The following RCL1 variants were observed in gnomAD, a reference collection of about 807,000 sequenced individuals.
RCL1 encodes RNA terminal phosphate cyclase like 1.
A neutral mutation model predicts 42.4 loss-of-function variants in RCL1; 24 were observed. The ratio of observed to expected loss-of-function variants is 0.57; its 90% CI spans 0.41 to 0.80. RCL1 has a LOEUF of 0.80. Among genes scored for constraint, RCL1 ranks in the 30% least tolerant of loss-of-function variants. The pLI, the probability that RCL1 is intolerant of heterozygous loss-of-function variation, is 0.00. For missense variants in RCL1, 578 were observed against 467.9 expected (o/e 1.24, Z -2.17); for synonymous variants, 228 against 177.3 (o/e 1.29, Z -2.27).
chr9:4,829,661 C>A (rs1816885073), intron 3 of RCL1, among the ~76,000 whole-genome samples: 1 of 152,084 alleles, frequency 6.6e-6, no homozygotes, highest in Non-Finnish European at 1.5e-5. Context: ...TGGCTGAATT[C>A]ATCTTTCACG....
intron 3 of RCL1, among the ~76,000 whole-genome samples, chr9:4,832,015 A>C (rs1370195710): frequency 2.0e-5 from 3 of 152,164 alleles, no homozygotes; most frequent in African/African-American, 4.8e-5. Context: ...CCTCCCTGCC[A>C]GCTGACAGAT....
chr9:4,829,694 G>T (rs1318918921), intron 3 of RCL1, among the ~76,000 whole-genome samples: 1 of 152,210 alleles, frequency 6.6e-6, no homozygotes. Context: ...GACATGTACA[G>T]TGTGGCAGTG....
chr9:4,793,297 G>A lies in RCL1; in HGVS notation c.136+70G>A, dbSNP rs1014913170. 195 of 1,499,098 alleles carry A rather than the reference G, an allele frequency of 1.3e-4. 1 individual carries two copies. The highest frequency in any genetic ancestry group is 1.7e-4 in the Non-Finnish European group (185 of 1,117,526). 92.9% of individuals were successfully genotyped at this position (1,499,098 alleles called of 1,614,324 possible). ...GGGAGACCGAGCTGATGCCGTGGGGGCCCGCGCGGTGTTGGTTGGGCGGCT... is the reference window on the plus strand; with the variant it reads ...GGGAGACCGAGCTGATGCCGTGGGGACCCGCGCGGTGTTGGTTGGGCGGCT... On this transcript the variant is annotated intron_variant, in intron 1 of 8. Transcript: ENST00000381750.
chr9:4,859,890 T>C (rs529395687), intron 8 of RCL1, among the ~76,000 whole-genome samples: 164 of 151,594 alleles, frequency 1.1e-3, no homozygotes, highest in African/African-American at 3.8e-3. Flanking sequence ...TTCTAACCTT[T>C]CCCCCCCCAG....
chr9:4,837,107 G>A (rs1195019367), intron 5 of RCL1, among the ~76,000 whole-genome samples: 2 of 152,162 alleles, frequency 1.3e-5, no homozygotes, highest in East Asian at 1.9e-4. Flanking sequence ...CGAGGAGCTG[G>A]AATAAGGTTA....
At position 4,860,715 on chromosome 9, in the gene RCL1, G is replaced by A. The variant is rs1375274396; in HGVS notation, c.*440G>A. 6.3e-6 allele frequency: 1 copy of A among 158,332 alleles called. No individual in the cohort carries two copies. Among genetic ancestry groups the A allele is most frequent in the African/African-American group, 2.4e-5 (1 of 41,508 alleles). The allele number at this position is 158,332 out of a possible 1,614,324, so 9.8% of individuals were successfully genotyped here. The stretch of plus-strand genomic sequence containing the variant: ...CTTGAGCCTTGGTTTTTGTTGTAGG[G>A]ATTAAATGAGATAATATGAGTGGCA... On this transcript the variant is annotated 3_prime_UTR_variant, in exon 9 of 9. Transcript: ENST00000381750.
intron 1 of RCL1, among the ~76,000 whole-genome samples, chr9:4,806,064 T>TGTGTGTGTGTG (rs1219639380): frequency 3.8e-4 from 53 of 139,272 alleles, no homozygotes; most frequent in East Asian, 1.6e-3. Context: ...GTGTGTGTGT[T>TGTGTGTGTGTG]TGTGTGTGTA....
chr9:4,833,929 GGTAATC>G (rs1817034000), intron 4 of RCL1, among the ~76,000 whole-genome samples: 1 of 152,202 alleles, frequency 6.6e-6, no homozygotes, highest in Non-Finnish European at 1.5e-5. Context: ...GAGCCACTTG[GGTAATC>G]GACTTGGACT....
In RCL1 at chr9:4,851,975, G is replaced by A. The variant is rs572260094; in HGVS notation, c.971+2425G>A. 2.0e-5 allele frequency among the ~76,000 whole-genome samples: 3 copies of A among 149,650 alleles called. No homozygotes were observed. The East Asian group carries it at 6.0e-4, about 30-fold the overall frequency. On this transcript the variant is annotated intron_variant, in intron 8 of 8. Transcript: ENST00000381750. The stretch of plus-strand genomic sequence containing the variant: ...CGCCCACTGCAAGCTCCGCCTCCCG[G>A]GTTCAACGCCATTCTCCTACCTCAG...
intron 1 of RCL1, among the ~76,000 whole-genome samples, chr9:4,807,825 G>A (rs1413257619): frequency 6.6e-6 from 1 of 152,070 alleles, no homozygotes; most frequent in Non-Finnish European, 1.5e-5. Context: ...GGCAGCTATG[G>A]GTCATTTATA....
In RCL1 at chr9:4,860,742, C is replaced by G. The variant is rs1587742460; in HGVS notation, c.*467C>G. ...TTAAATGAGATAATATGAGTGGCAGCTCTTCATGAGTCCTGCAGTGCTAAG... is the reference window on the plus strand; with the variant it reads ...TTAAATGAGATAATATGAGTGGCAGGTCTTCATGAGTCCTGCAGTGCTAAG... On this transcript the variant is annotated 3_prime_UTR_variant, in exon 9 of 9. Coordinates refer to ENST00000381750, the MANE Select transcript of RCL1 (RefSeq NM_005772.5). 1 of 155,610 alleles carries G rather than the reference C, an allele frequency of 6.4e-6. No homozygotes were observed. The highest frequency in any genetic ancestry group is 6.5e-5 in the Admixed American group (1 of 15,322). 9.6% of individuals were successfully genotyped at this position (155,610 alleles called of 1,614,324 possible). A position where few individuals can be genotyped will look rare whatever the true frequency, so the allele number is the denominator to read the frequency against.
intron 8 of RCL1, chr9:4,850,501 T>TC (rs1554642558): frequency 1.3e-5 from 3 of 232,080 alleles, no homozygotes; most frequent in Non-Finnish European, 1.9e-5. Context: ...TTCTTTTTTT[T>TC]TTTTTTTTTG....
intron 1 of RCL1, among the ~76,000 whole-genome samples, chr9:4,802,616 C>T (rs1843022981): frequency 6.6e-6 from 1 of 151,142 alleles, no homozygotes; most frequent in South Asian, 2.1e-4. Flanking sequence ...TCAATGTTTA[C>T]AAAATGTTCA....
intron 7 of RCL1, 101 bp from the exon 8 acceptor site, chr9:4,849,346 A>G (rs1030210734): frequency 5.0e-6 from 4 of 803,778 alleles, no homozygotes; most frequent in Non-Finnish European, 6.2e-6. Context: ...TGAACTTTGG[A>G]TTTTGATATT....
intron 8 of RCL1, among the ~76,000 whole-genome samples, chr9:4,857,399 A>G (rs1587739246): frequency 6.6e-6 from 1 of 152,146 alleles, no homozygotes; most frequent in East Asian, 1.9e-4. Context: ...CACTTAGCAT[A>G]ATGTTTTCAG....
chr9:4,824,223 T>A (rs1816684969), intron 2 of RCL1, among the ~76,000 whole-genome samples: 1 of 152,198 alleles, frequency 6.6e-6, no homozygotes, highest in African/African-American at 2.4e-5. Context: ...TTTACACAAG[T>A]ATATGCAAAA....
chr9:4,822,195 G>T (rs1406769864), intron 1 of RCL1, among the ~76,000 whole-genome samples: 3 of 152,184 alleles, frequency 2.0e-5, no homozygotes, highest in East Asian at 3.8e-4. Context: ...AGGTAGATGG[G>T]AATTGCTTAG....
intron 8 of RCL1, among the ~76,000 whole-genome samples, chr9:4,859,034 G>A (rs1818065093): frequency 6.6e-6 from 1 of 152,196 alleles, no homozygotes; most frequent in African/African-American, 2.4e-5. Context: ...TTTCCTACCA[G>A]TTGCAAGTTC....
chr9:4,796,840 G>A (rs936966730), intron 1 of RCL1, among the ~76,000 whole-genome samples: 3 of 152,140 alleles, frequency 2.0e-5, no homozygotes, highest in African/African-American at 7.2e-5. Flanking sequence ...AAACATACAA[G>A]TACAGGTGCC....
Sources: allele counts gnomAD v4.1 joint callset (sites outside exome capture counted in the v4.1 genomes callset), GRCh38; gene constraint gnomAD v4.1.1; transcripts MANE v1.5; gene names NCBI Gene and HGNC (gene_info 2026-07-23, HGNC 2026-07-21).